NRXN1: variants seen among roughly 807,000 people sequenced by gnomAD.
The protein encoded by NRXN1 is neurexin-1.
Under a neutral mutation model 150.9 loss-of-function variants are expected in NRXN1, and 39 were observed. The ratio of observed to expected loss-of-function variants is 0.26; its 90% confidence interval spans 0.20 to 0.34. The LOEUF (loss-of-function observed/expected upper bound fraction) is 0.34, where lower values mean the gene tolerates loss of function less well. NRXN1 is among the 10% of genes least tolerant of loss of function. The pLI is 1.00. For missense variants in NRXN1, 1,815 were observed against 1,949.9 expected (o/e 0.93, Z 1.30); for synonymous variants, 924 against 757.0 (o/e 1.22, Z -3.62).
chr2:49,923,453 T>C (rs1668563443), intron 22 of NRXN1, among the ~76,000 whole-genome samples: 1 of 152,192 alleles, frequency 6.6e-6, no homozygotes, highest in African/African-American at 2.4e-5. Context: ...CAATTATGTA[T>C]AATGAACAAA....
chr2:50,818,941 CA>C (rs1669313168), intron 5 of NRXN1, among the ~76,000 whole-genome samples: 1 of 151,908 alleles, frequency 6.6e-6, no homozygotes, highest in Non-Finnish European at 1.5e-5. Flanking sequence ...CAAGGAAATG[CA>C]AATCAAAACC....
At chr2:50,609,835 T>C (rs1677741088) in intron 8 of NRXN1, among the ~76,000 whole-genome samples, 1 of 152,114 alleles carries the variant, frequency 6.6e-6, no homozygotes, top group African/African-American at 2.4e-5. Context: ...TCCCTAGTAC[T>C]CCACAGAGAG....
chr2:50,342,985 G>T (rs1192387732), intron 17 of NRXN1, among the ~76,000 whole-genome samples: 1 of 152,212 alleles, frequency 6.6e-6, no homozygotes, highest in Non-Finnish European at 1.5e-5. Context: ...AAGTGTCTCA[G>T]AAACAGAAAC....
At chr2:50,280,780 G>A (rs771621426) in intron 17 of NRXN1, among the ~76,000 whole-genome samples, 1 of 152,144 alleles carries the variant, frequency 6.6e-6, no homozygotes. Flanking sequence ...GTGGACATAG[G>A]ATGCTCCTAT....
Position 49,993,957 on chromosome 2 carries a change from A to C in NRXN1, c.4129-50166T>G, listed in dbSNP as rs562151271. ...CCTTCTGTCAACCTTTCAAAATCAC[A>C]TGCCCATCAGATGGCATTCTCAAAT... On this transcript the variant is annotated intron_variant, in intron 21 of 22. Coordinates refer to ENST00000401669, the MANE Select transcript of NRXN1 (RefSeq NM_001330078.2). Among the ~76,000 whole-genome samples, 82 of 152,220 alleles carry C rather than the reference A, an allele frequency of 5.4e-4. 1 individual carries two copies. The highest frequency in any genetic ancestry group is 1.9e-3 in the African/African-American group (78 of 41,538).
chr2:50,878,597 T>G (rs1382405421), intron 5 of NRXN1, among the ~76,000 whole-genome samples: 1 of 151,916 alleles, frequency 6.6e-6, no homozygotes, highest in Admixed American at 6.6e-5. Context: ...GACTACCACC[T>G]CTTTAAAAGT....
intron 19 of NRXN1, among the ~76,000 whole-genome samples, chr2:50,082,976 T>A (rs1698179905): frequency 1.3e-5 from 2 of 151,798 alleles, no homozygotes; most frequent in African/African-American, 4.9e-5. Flanking sequence ...TGCATTTGTT[T>A]TGGGGGCAAA....
intron 18 of NRXN1, among the ~76,000 whole-genome samples, chr2:50,146,131 T>A (rs1707976521): frequency 6.6e-6 from 1 of 151,594 alleles, no homozygotes; most frequent in Admixed American, 6.6e-5. Flanking sequence ...AGAAGGCGGG[T>A]TAAACTGGCA....
At chr2:50,414,993 T>C (rs1435932752) in intron 17 of NRXN1, among the ~76,000 whole-genome samples, 1 of 152,138 alleles carries the variant, frequency 6.6e-6, no homozygotes, top group East Asian at 1.9e-4. Flanking sequence ...ACACCCTTCA[T>C]CTTTCCCATT....
In NRXN1 at chr2:50,515,599, G is replaced by GT. The variant is rs2092604675; in HGVS notation, c.2375-8983_2375-8982insA. Among the ~76,000 whole-genome samples the GT allele has an allele frequency of 5.7e-5, 7 of 121,778 alleles. No individual in the cohort carries two copies. The South Asian group carries it at 1.6e-3, about 27-fold the overall frequency. The allele number at this position is 121,778 out of a possible 152,430, so 79.9% of individuals were successfully genotyped here. ...AATAGAAACATTCATTAAATGCTTG[G>GT]GGTGTGTGTGTGTGTGTGTGTGTGT... is the stretch of plus-strand genomic sequence containing the variant. On this transcript the variant is annotated intron_variant, in intron 12 of 22. Transcript: ENST00000401669.
intron 9 of NRXN1, among the ~76,000 whole-genome samples, chr2:50,551,050 G>GGAAGAAGAAGAAGAATAAGAAGAA (rs1667413256): frequency 1.3e-5 from 1 of 78,990 alleles, no homozygotes; most frequent in African/African-American, 7.3e-5. Context: ...AAGAGGAAGA[G>GGAAGAAGAAGAAGAATAAGAAGAA]GAAGAAGAAG....
intron 8 of NRXN1, among the ~76,000 whole-genome samples, chr2:50,609,684 A>T (rs1363144738): frequency 6.7e-6 from 1 of 149,552 alleles, no homozygotes; most frequent in Non-Finnish European, 1.5e-5. Context: ...TAATGCAATG[A>T]GTTATCTATA....
At chr2:50,612,087 G>A (rs1157329162) in intron 8 of NRXN1, among the ~76,000 whole-genome samples, 2 of 152,164 alleles carry the variant, frequency 1.3e-5, no homozygotes, top group Admixed American at 1.3e-4. Context: ...ACACAGAGTG[G>A]CAGTTACGGG....
chr2:50,882,387 C>A (rs1354275378), intron 5 of NRXN1, among the ~76,000 whole-genome samples: 1 of 151,804 alleles, frequency 6.6e-6, no homozygotes, highest in African/African-American at 2.4e-5. Context: ...ATTTTCCATG[C>A]ATTATCTCTC....
chr2:49,974,654 G>C (rs751157719), intron 21 of NRXN1, among the ~76,000 whole-genome samples: 41 of 151,902 alleles, frequency 2.7e-4, no homozygotes, highest in Non-Finnish European at 4.9e-4. Context: ...TTATTTGTAA[G>C]TTAATGAATG....
At chr2:50,883,768 G>A (rs1258671735) in intron 5 of NRXN1, among the ~76,000 whole-genome samples, 2 of 151,734 alleles carry the variant, frequency 1.3e-5, no homozygotes, top group African/African-American at 4.8e-5. Context: ...TACCACAATG[G>A]CAATGACAAT....
At chr2:50,744,441 A>G (rs1032320203) in intron 5 of NRXN1, among the ~76,000 whole-genome samples, 7 of 152,138 alleles carry the variant, frequency 4.6e-5, no homozygotes, top group Non-Finnish European at 8.8e-5. Flanking sequence ...ATAACAAGAT[A>G]TAATTAATAA....
chr2:50,206,963 A>C (rs1185919845), intron 18 of NRXN1, among the ~76,000 whole-genome samples: 1 of 151,770 alleles, frequency 6.6e-6, no homozygotes, highest in Non-Finnish European at 1.5e-5. Flanking sequence ...TGCCCATTTT[A>C]ATATCATGTC....
intron 5 of NRXN1, among the ~76,000 whole-genome samples, chr2:50,851,294 G>A (rs944189245): frequency 1.3e-5 from 2 of 152,102 alleles, no homozygotes; most frequent in Admixed American, 6.5e-5. Flanking sequence ...GTTTCTAGTT[G>A]ATTCAATAAC....
Sources: allele counts gnomAD v4.1 joint callset (sites outside exome capture counted in the v4.1 genomes callset), GRCh38; gene constraint gnomAD v4.1.1; transcripts MANE v1.5; gene names NCBI Gene and HGNC (gene_info 2026-07-23, HGNC 2026-07-21).